FAM135B: variants seen among roughly 807,000 people sequenced by gnomAD.
FAM135B encodes the protein family with sequence similarity 135 member B.
In FAM135B, 43 loss-of-function variants were observed where a neutral mutation model predicts 127.7. The observed-to-expected ratio is 0.34, with a 90% CI of 0.26 to 0.43. The LOEUF (loss-of-function observed/expected upper bound fraction) is 0.43, where lower values mean the gene tolerates loss of function less well. FAM135B is among the 20% of genes least tolerant of loss of function. The probability of loss-of-function intolerance (pLI) is 1.00; values close to 1 mark genes in which losing one functional copy is unlikely to be tolerated. For synonymous variants in FAM135B, 670 were observed against 665.1 expected, an observed-to-expected ratio of 1.01 and a Z score of -0.11; for missense variants, 1,558 against 1,725.6, an observed-to-expected ratio of 0.90 and a Z score of 1.72.
At chr8:138,485,518 C>T (rs1036731140) in intron 1 of FAM135B, among the ~76,000 whole-genome samples, 3 of 152,108 alleles carry the variant, frequency 2.0e-5, no homozygotes, top group African/African-American at 7.2e-5. Flanking sequence ...ACAATAGAAG[C>T]TGTTTAATTT....
At chr8:138,343,446 C>G (rs528554735) in intron 2 of FAM135B, among the ~76,000 whole-genome samples, 1 of 152,308 alleles carries the variant, frequency 6.6e-6, no homozygotes, top group South Asian at 2.1e-4. Flanking sequence ...TGAAAGTCTC[C>G]AGAGCTAACT....
chr8:138,189,265 G>A lies in FAM135B; in HGVS notation c.873+5993C>T, dbSNP rs143928515. Among the ~76,000 whole-genome samples, 50 of 152,220 alleles carry A rather than the reference G, an allele frequency of 3.3e-4. No homozygotes were observed. In the East Asian group the frequency reaches 4.8e-3, roughly 15 times the overall value. ...AACCCTGAGGGAAGATTATCTTCCC[G>A]CTCCATGCCCTTTCCAGCTCCCCTT... On this transcript the variant is annotated intron_variant, in intron 9 of 19. Transcript: ENST00000395297.
chr8:138,376,805 T>C (rs991471490), intron 1 of FAM135B, among the ~76,000 whole-genome samples: 1 of 152,214 alleles, frequency 6.6e-6, no homozygotes, highest in African/African-American at 2.4e-5. Context: ...TAGCAATCAC[T>C]ATTTTTATTT....
intron 2 of FAM135B, among the ~76,000 whole-genome samples, chr8:138,344,173 C>T (rs930600150): frequency 2.6e-5 from 4 of 152,136 alleles, no homozygotes; most frequent in Non-Finnish European, 5.9e-5. Flanking sequence ...GAATGTGAGC[C>T]AAAATCATTG....
At chr8:138,193,427 G>C (rs1226691127) in intron 9 of FAM135B, among the ~76,000 whole-genome samples, 1 of 152,136 alleles carries the variant, frequency 6.6e-6, no homozygotes, top group Non-Finnish European at 1.5e-5. Flanking sequence ...AGAACCTGCA[G>C]GCCACACCCA....
chr8:138,476,034 A>G (rs1564031389), intron 1 of FAM135B, among the ~76,000 whole-genome samples: 1 of 152,304 alleles, frequency 6.6e-6, no homozygotes, highest in Admixed American at 6.5e-5. Context: ...TCAGCACTGA[A>G]AAGAAATAAG....
At chr8:138,137,452 G>A (rs899353893) in intron 18 of FAM135B, among the ~76,000 whole-genome samples, 192 bp from the exon 19 acceptor site, 4 of 152,106 alleles carry the variant, frequency 2.6e-5, no homozygotes, top group African/African-American at 7.2e-5. Context: ...TAGAGGTATC[G>A]CGGGGGCCTA....
At chr8:138,364,043 T>G (rs1830594024) in intron 2 of FAM135B, among the ~76,000 whole-genome samples, 1 of 152,140 alleles carries the variant, frequency 6.6e-6, no homozygotes, top group African/African-American at 2.4e-5. Context: ...AAATCTACAT[T>G]TCTTCTCCTT....
At chr8:138,335,598 T>A (rs939969423) in intron 2 of FAM135B, among the ~76,000 whole-genome samples, 15 of 152,096 alleles carry the variant, frequency 9.9e-5, no homozygotes, top group African/African-American at 3.6e-4. Flanking sequence ...AGCACCCAGA[T>A]TCATAAAGCA....
chr8:138,305,573 C>T (rs1027817022), intron 3 of FAM135B, among the ~76,000 whole-genome samples: 8 of 152,152 alleles, frequency 5.3e-5, no homozygotes, highest in African/African-American at 1.9e-4. Flanking sequence ...CATAAGCAAG[C>T]CTTTGAAGAA....
At chr8:138,310,285 G>A (rs1167595366) in intron 3 of FAM135B, among the ~76,000 whole-genome samples, 2 of 152,100 alleles carry the variant, frequency 1.3e-5, no homozygotes, top group Non-Finnish European at 2.9e-5. Flanking sequence ...GGCATGGTAA[G>A]TTCTCTTTTT....
intron 2 of FAM135B, chr8:138,367,439 G>A (rs2131213358): frequency 2.2e-6 from 1 of 456,716 alleles, no homozygotes; most frequent in Non-Finnish European, 4.4e-6. Context: ...TTATACTTCA[G>A]TTATATGAAT....
intron 2 of FAM135B, among the ~76,000 whole-genome samples, chr8:138,325,444 C>T (rs1241474432): frequency 1.3e-5 from 2 of 152,120 alleles, no homozygotes; most frequent in South Asian, 2.1e-4. Context: ...TCACCACCAC[C>T]GCTCCATTCT....
At chr8:138,190,859 T>C (rs372816368) in intron 9 of FAM135B, among the ~76,000 whole-genome samples, 1 of 152,192 alleles carries the variant, frequency 6.6e-6, no homozygotes. Context: ...TGAATCTACC[T>C]ATGATCTGGA....
chr8:138,299,230 A>G (rs1587003468), intron 3 of FAM135B, among the ~76,000 whole-genome samples: 1 of 151,592 alleles, frequency 6.6e-6, no homozygotes, highest in East Asian at 2.0e-4. Context: ...TCAGAGAAAT[A>G]TGTATTATTT....
chr8:138,260,847 T>G (rs187380152), intron 4 of FAM135B, among the ~76,000 whole-genome samples: 1 of 152,174 alleles, frequency 6.6e-6, no homozygotes, highest in African/African-American at 2.4e-5. Flanking sequence ...GGTCTCCTCC[T>G]TCTGTCCTGA....
At chr8:138,339,632 GT>G in intron 2 of FAM135B, among the ~76,000 whole-genome samples, 1 of 152,210 alleles carries the variant, frequency 6.6e-6, no homozygotes, top group African/African-American at 2.4e-5. Context: ...ATGTGTCACA[GT>G]TTTTTTGCAT....
At chr8:138,338,168 C>A (rs553365249) in intron 2 of FAM135B, among the ~76,000 whole-genome samples, 36 of 151,974 alleles carry the variant, frequency 2.4e-4, no homozygotes, top group Non-Finnish European at 4.9e-4. Context: ...AGAAGAAAAC[C>A]TAGGCAATAC....
chr8:138,445,842 T>C (rs559859017), intron 1 of FAM135B, among the ~76,000 whole-genome samples: 16 of 152,282 alleles, frequency 1.1e-4, no homozygotes, highest in Admixed American at 1.3e-4. Flanking sequence ...GGTATTCAGT[T>C]AGGAAAAGAG....
Sources: allele counts gnomAD v4.1 joint callset (sites outside exome capture counted in the v4.1 genomes callset), GRCh38; gene constraint gnomAD v4.1.1; transcripts MANE v1.5; gene names NCBI Gene and HGNC (gene_info 2026-07-23, HGNC 2026-07-21).